Variants in CNTNAP5 observed in about 807,000 individuals in gnomAD.
The protein encoded by CNTNAP5 is contactin associated protein family member 5, also known as contactin-associated protein-like 5.
In CNTNAP5, 72 loss-of-function variants were observed where a neutral mutation model predicts 150.2. The observed-to-expected ratio is 0.48, with a 90% CI of 0.40 to 0.58. CNTNAP5 has a LOEUF of 0.58. CNTNAP5 is among the 20% of genes least tolerant of loss of function. The pLI is 0.00. For missense variants in CNTNAP5, 1,636 were observed against 1,626.2 expected (o/e 1.01, Z -0.10); for synonymous variants, 672 against 619.8 (o/e 1.08, Z -1.25).
chr2:124,480,511 G>T (rs925112609), intron 7 of CNTNAP5, among the ~76,000 whole-genome samples: 11 of 152,128 alleles, frequency 7.2e-5, no homozygotes, highest in African/African-American at 2.7e-4. Context: ...ATTTACATCT[G>T]CAGGTGCACA....
chr2:124,339,451 G>T (rs1463632396), intron 3 of CNTNAP5, among the ~76,000 whole-genome samples: 1 of 152,168 alleles, frequency 6.6e-6, no homozygotes, highest in Non-Finnish European at 1.5e-5. Context: ...GCTGACTAGT[G>T]TGGAGTGTAA....
chr2:124,392,137 G>C (rs538350395), intron 3 of CNTNAP5, among the ~76,000 whole-genome samples: 133 of 152,166 alleles, frequency 8.7e-4, no homozygotes, highest in African/African-American at 3.1e-3. Context: ...TTAAATTGAG[G>C]CATAAAGGTA....
chr2:124,292,143 AT>A (rs1023770243), intron 3 of CNTNAP5, among the ~76,000 whole-genome samples: 2 of 152,106 alleles, frequency 1.3e-5, no homozygotes, highest in Admixed American at 1.3e-4. Context: ...AACTTGAAAA[AT>A]TACATATTTT....
chr2:124,119,668 G>A (rs1185252107), intron 1 of CNTNAP5, among the ~76,000 whole-genome samples: 1 of 152,176 alleles, frequency 6.6e-6, no homozygotes, highest in Non-Finnish European at 1.5e-5. Context: ...ACCACTTTGA[G>A]AGACCTAGGA....
intron 23 of CNTNAP5, among the ~76,000 whole-genome samples, chr2:124,913,399 A>T (rs1211447491): frequency 6.6e-6 from 1 of 152,048 alleles, no homozygotes; most frequent in Non-Finnish European, 1.5e-5. Context: ...AGCTTGCAAC[A>T]TAATCCAGTT....
At chr2:124,053,321 CTCTT>C (rs1681758336) in intron 1 of CNTNAP5, among the ~76,000 whole-genome samples, 1 of 150,294 alleles carries the variant, frequency 6.7e-6, no homozygotes, top group Non-Finnish European at 1.5e-5. Context: ...CTGTATTCAC[CTCTT>C]TCTATTTATT....
intron 11 of CNTNAP5, among the ~76,000 whole-genome samples, chr2:124,568,964 C>T (rs1407850189): frequency 6.6e-6 from 1 of 152,186 alleles, no homozygotes; most frequent in Non-Finnish European, 1.5e-5. Context: ...AGAAGAATGG[C>T]ATGAGCCTGG....
At position 124,084,924 on chromosome 2, in the gene CNTNAP5, G is replaced by GTTTTTTTTTTTTTTT. The variant is rs71394021; in HGVS notation, c.82+59193_82+59207dup. On this transcript the variant is annotated intron_variant, in intron 1 of 23. Transcript: ENST00000682447. Reference sequence around the variant, plus strand: ...TAAAAATTATGAATTCAAGTTTCCTGTTTTTTTTTTTTTTTGAGACGGAGT... The same window carrying GTTTTTTTTTTTTTTT: ...TAAAAATTATGAATTCAAGTTTCCTGTTTTTTTTTTTTTTTTTTTTTTTTTTTTTTGAGACGGAGT... Among the ~76,000 whole-genome samples, 494 of 89,984 alleles carry GTTTTTTTTTTTTTTT rather than the reference G, an allele frequency of 5.5e-3. 56 individuals carry two copies. The highest frequency in any genetic ancestry group is 8.6e-3 in the East Asian group (23 of 2,676). 59.0% of individuals were successfully genotyped at this position (89,984 alleles called of 152,430 possible). A position where few individuals can be genotyped will look rare whatever the true frequency, so the allele number is the denominator to read the frequency against.
At chr2:124,269,431 T>C (rs1000025481) in intron 3 of CNTNAP5, among the ~76,000 whole-genome samples, 2 of 152,102 alleles carry the variant, frequency 1.3e-5, no homozygotes, top group Non-Finnish European at 2.9e-5. Flanking sequence ...GGACTGCTTA[T>C]CTGCTAGTAA....
At chr2:124,370,556 C>A (rs1690499134) in intron 3 of CNTNAP5, among the ~76,000 whole-genome samples, 1 of 152,118 alleles carries the variant, frequency 6.6e-6, no homozygotes, top group African/African-American at 2.4e-5. Flanking sequence ...TGAACTCTTG[C>A]AGATGCAAGA....
At chr2:124,832,383 C>T (rs1682735056) in intron 19 of CNTNAP5, among the ~76,000 whole-genome samples, 1 of 151,992 alleles carries the variant, frequency 6.6e-6, no homozygotes, top group Non-Finnish European at 1.5e-5. Context: ...AACATATATA[C>T]ACACATAGAA....
chr2:124,391,157 C>G (rs1358119133), intron 3 of CNTNAP5, among the ~76,000 whole-genome samples: 1 of 152,154 alleles, frequency 6.6e-6, no homozygotes, highest in Non-Finnish European at 1.5e-5. Context: ...CTCACAGAGA[C>G]TGTCTAGGAA....
Position 124,798,308 on chromosome 2 carries a change from C to A in CNTNAP5, c.3205C>A (p.Leu1069Ile). Residue 1069 changes from leucine to isoleucine, a missense_variant, in exon 19 of 24, where the codon CTC becomes ATC. Physicochemically the swap from Leu to Ile is conservative, Grantham distance 5. Transcript: ENST00000682447. ...SSSQDFVVVL[L>I]CKNGSLQVRY... ...TTCTCAGGACTTCGTGGTTGTTCTG[C>A]TCTGCAAGAATGGTGAGTGTGATGG... 1 of 1,611,534 alleles carries A rather than the reference C, an allele frequency of 6.2e-7. No individual in the cohort carries two copies. The highest frequency in any genetic ancestry group is 8.5e-7 in the Non-Finnish European group (1 of 1,177,658).
At chr2:124,690,218 T>C (rs1389952327) in intron 13 of CNTNAP5, among the ~76,000 whole-genome samples, 1 of 152,150 alleles carries the variant, frequency 6.6e-6, no homozygotes, top group East Asian at 1.9e-4. Flanking sequence ...AACTATTCAG[T>C]TCTTGAATAT....
At chr2:124,186,384 T>C (rs997523911) in intron 1 of CNTNAP5, among the ~76,000 whole-genome samples, 3 of 152,244 alleles carry the variant, frequency 2.0e-5, no homozygotes, top group African/African-American at 7.2e-5. Flanking sequence ...AAGTTGTTTG[T>C]ATATGACTTT....
chr2:124,758,447 GTCTGTGTGTC>G (rs1221553106), intron 14 of CNTNAP5, among the ~76,000 whole-genome samples: 1 of 152,012 alleles, frequency 6.6e-6, no homozygotes, highest in Non-Finnish European at 1.5e-5. Flanking sequence ...GTGTGTGTGT[GTCTGTGTGTC>G]TGTGTGTAGC....
At chr2:124,215,455 C>T (rs1686131580) in intron 1 of CNTNAP5, among the ~76,000 whole-genome samples, 1 of 151,926 alleles carries the variant, frequency 6.6e-6, no homozygotes. Flanking sequence ...GTGCCTTTAC[C>T]TTGTAATTAA....
chr2:124,363,952 A>G (rs1690293733), intron 3 of CNTNAP5, among the ~76,000 whole-genome samples: 2 of 152,120 alleles, frequency 1.3e-5, no homozygotes, highest in African/African-American at 4.8e-5. Flanking sequence ...TTCCCATGAC[A>G]ATGTCCTGCT....
chr2:124,629,807 G>T (rs1214551797), intron 12 of CNTNAP5, among the ~76,000 whole-genome samples: 2 of 127,076 alleles, frequency 1.6e-5, no homozygotes, highest in South Asian at 5.1e-4. Flanking sequence ...CAATAAAATA[G>T]ATAGACTGCT....
Sources: allele counts gnomAD v4.1 joint callset (sites outside exome capture counted in the v4.1 genomes callset), GRCh38; gene constraint gnomAD v4.1.1; transcripts MANE v1.5; gene names NCBI Gene and HGNC (gene_info 2026-07-23, HGNC 2026-07-21).